FBN1: variants seen among roughly 807,000 people sequenced by gnomAD.
The protein encoded by FBN1 is fibrillin-1.
In FBN1, 29 loss-of-function variants were observed where a neutral mutation model predicts 365.1. That is an observed-to-expected ratio of 0.08 (90% confidence interval 0.06 to 0.11). The LOEUF (loss-of-function observed/expected upper bound fraction) is 0.11. Ranked by LOEUF, FBN1 falls within the 10% of genes least tolerant of loss-of-function variation. The pLI, the probability that FBN1 is intolerant of heterozygous loss-of-function variation, is 1.00. For missense variants in FBN1, 2,476 were observed against 3,703.2 expected, an observed-to-expected ratio of 0.67 and a Z score of 8.60; for synonymous variants, 1,210 against 1,270.5, an observed-to-expected ratio of 0.95 and a Z score of 1.01.
In FBN1 at chr15:48,408,550, G is replaced by A. The variant is rs1388682938; in HGVS notation, c.*2440C>T. 1.3e-5 allele frequency: 2 copies of A among 152,558 alleles called. No homozygotes were observed. Among genetic ancestry groups the A allele is most frequent in the African/African-American group, 2.4e-5 (1 of 41,442 alleles). The allele number at this position is 152,558 out of a possible 1,614,324, so 9.5% of individuals were successfully genotyped here. ...AAATGGGCTGAGGGGGTAGAGACAA[G>A]ATATTTTCAAGCTTCTGAGAGATTT... On this transcript the variant is annotated 3_prime_UTR_variant, in exon 66 of 66. Coordinates refer to ENST00000316623, the MANE Select transcript of FBN1 (RefSeq NM_000138.5).
Position 48,421,968 on chromosome 15 carries a change from G to A in FBN1, c.7554C>T (p.His2518=). Residue 2518 remains histidine, a synonymous_variant, in exon 61 of 66, where the codon CAC becomes CAT. Coordinates refer to ENST00000316623, the MANE Select transcript of FBN1 (RefSeq NM_000138.5). ...CCTACTCACCAATGCAGGACGTATG[G>A]TGTTGGGTAAATCCGGGAGGACATT... ...TCKCPPGFTQ[H]HTSCIDNNEC... 1 of 1,613,030 alleles carries A rather than the reference G, an allele frequency of 6.2e-7. No individual in the cohort carries two copies. Among genetic ancestry groups the A allele is most frequent in the Non-Finnish European group, 8.5e-7 (1 of 1,179,014 alleles).
chr15:48,595,446 G>GA (rs376641265), intron 6 of FBN1, among the ~76,000 whole-genome samples: 4 of 152,062 alleles, frequency 2.6e-5, no homozygotes, highest in African/African-American at 4.8e-5. Context: ...GGGATGATGA[G>GA]AAAAAAATCT....
At chr15:48,481,875 A>C in intron 31 of FBN1, 95 bp from the exon 32 acceptor site, 2 of 1,263,462 alleles carry the variant, frequency 1.6e-6, no homozygotes, top group Non-Finnish European at 2.3e-6. Context: ...TACATTAGAA[A>C]AGGTAAAATG....
Position 48,524,235 on chromosome 15 carries a change from G to C in FBN1, c.988+1895C>G, listed in dbSNP as rs538996749. Reference sequence around the variant, plus strand: ...ATACTAAAAGAGCTTAGAACACAAAGGGAGCTCGGGGCTGGGAGGTCTGAG... The same window carrying C: ...ATACTAAAAGAGCTTAGAACACAAACGGAGCTCGGGGCTGGGAGGTCTGAG... On this transcript the variant is annotated intron_variant, in intron 9 of 65. Transcript: ENST00000316623. 3.9e-5 allele frequency among the ~76,000 whole-genome samples: 6 copies of C among 152,302 alleles called. No homozygotes were observed. The East Asian group carries it at 1.2e-3, about 29-fold the overall frequency.
At position 48,644,742 on chromosome 15, in the gene FBN1, C is replaced by T; in HGVS notation, c.28G>A (p.Ala10Thr). The T allele has an allele frequency of 6.2e-7, 1 of 1,613,272 alleles. No homozygotes were observed. Among genetic ancestry groups the T allele is most frequent in the Non-Finnish European group, 8.5e-7 (1 of 1,179,998 alleles). ...GCTAAAAGCACGGTAAATCCCAGGG[C>T]GATCTCCAGCAGACGCCCTCGACGC... Reference protein sequence around the residue: MRRGRLLEIALGFTVLLASY... With the variant: MRRGRLLEITLGFTVLLASY... The change falls in exon 2 of 66, where the codon GCC (alanine) becomes ACC (threonine). Residue 10 changes from alanine (A) to threonine (T), a missense_variant. This residue lies in a region of FBN1 where 76 missense variants were observed against 85.4 expected (regional missense o/e 0.89). Transcript: ENST00000316623.
chr15:48,605,061 G>A (rs1256552885), intron 4 of FBN1, among the ~76,000 whole-genome samples: 1 of 152,160 alleles, frequency 6.6e-6, no homozygotes, highest in African/African-American at 2.4e-5. Context: ...CAAACTATAA[G>A]GGGTTTGAAA....
intron 2 of FBN1, among the ~76,000 whole-genome samples, chr15:48,619,958 A>G (rs1314986734): frequency 6.6e-6 from 1 of 152,148 alleles, no homozygotes; most frequent in Non-Finnish European, 1.5e-5. Flanking sequence ...ATGCCAAATC[A>G]ACATGTTTTA....
At chr15:48,508,850 T>A (rs1023190793) in intron 14 of FBN1, 146 bp from the exon 15 acceptor site, 1 of 982,652 alleles carries the variant, frequency 1.0e-6, no homozygotes, top group Admixed American at 2.4e-5. Context: ...AATAAGATCA[T>A]CTAAGGAAGG....
intron 6 of FBN1, among the ~76,000 whole-genome samples, chr15:48,594,798 C>A (rs2044504544): frequency 2.0e-5 from 3 of 152,120 alleles, no homozygotes; most frequent in African/African-American, 7.2e-5. Context: ...TTTTCTAAAA[C>A]AAATTATGCC....
At chr15:48,510,666 C>T (rs567044850) in intron 13 of FBN1, among the ~76,000 whole-genome samples, 23 of 152,290 alleles carry the variant, frequency 1.5e-4, no homozygotes, top group Admixed American at 3.3e-4. Context: ...TTCTGGTTTA[C>T]GTGCAGGGTT....
chr15:48,567,483 T>G lies in FBN1; in HGVS notation c.538+28800A>C, dbSNP rs1389593195. 3.3e-5 allele frequency among the ~76,000 whole-genome samples: 5 copies of G among 152,096 alleles called. No individual in the cohort carries two copies. In the East Asian group the frequency reaches 9.6e-4, roughly 29 times the overall value. On this transcript the variant is annotated intron_variant, in intron 6 of 65. Transcript: ENST00000316623. ...ACTTTTCTGTGAGCCAGGATTACCC[T>G]GATACCAAAGCCAGACGAAGACATG...
intron 10 of FBN1, among the ~76,000 whole-genome samples, chr15:48,519,399 A>C (rs554254883): frequency 1.1e-4 from 17 of 152,358 alleles, no homozygotes; most frequent in Non-Finnish European, 2.2e-4. Flanking sequence ...ATACTATGGA[A>C]GTGTAAAAAG....
At chr15:48,604,528 T>A (rs1035719515) in intron 4 of FBN1, among the ~76,000 whole-genome samples, 1 of 152,064 alleles carries the variant, frequency 6.6e-6, no homozygotes, top group African/African-American at 2.4e-5. Flanking sequence ...AAGAGAAACT[T>A]CACTAAAATT....
At chr15:48,458,741 A>G (rs1566902165) in intron 43 of FBN1, among the ~76,000 whole-genome samples, 3 of 152,232 alleles carry the variant, frequency 2.0e-5, no homozygotes, top group Non-Finnish European at 4.4e-5. Flanking sequence ...AGTGAAGTTT[A>G]TATTTTAAGA....
chr15:48,601,067 T>G (rs1241606085), intron 4 of FBN1, among the ~76,000 whole-genome samples: 1 of 152,242 alleles, frequency 6.6e-6, no homozygotes, highest in African/African-American at 2.4e-5. Flanking sequence ...GAGAAAGAGC[T>G]GCTTGTTTAA....
At chr15:48,432,781 TCTC>T (rs1455078290) in intron 55 of FBN1, 82 bp downstream of exon 55, 2 of 1,538,182 alleles carry the variant, frequency 1.3e-6, no homozygotes, top group Admixed American at 1.7e-5. Context: ...TTCCCAGCCT[TCTC>T]CTACTAAGGG....
At chr15:48,444,514 A>C in intron 49 of FBN1, 27 bp downstream of exon 49, 1 of 1,612,660 alleles carries the variant, frequency 6.2e-7, no homozygotes, top group Non-Finnish European at 8.5e-7. Context: ...GACACTCCTC[A>C]TTTGCTACAA....
At chr15:48,596,199 C>G in intron 6 of FBN1, 84 bp downstream of exon 6, 1 of 1,181,272 alleles carries the variant, frequency 8.5e-7, no homozygotes. Context: ...CAGGAAGTAG[C>G]CATGCAGACC....
intron 6 of FBN1, among the ~76,000 whole-genome samples, chr15:48,562,701 G>A (rs550881199): frequency 2.6e-5 from 4 of 152,276 alleles, no homozygotes; most frequent in Admixed American, 6.5e-5. Flanking sequence ...CAACTTGCTC[G>A]CTGGCAGGAA....
Sources: gnomAD v4.1 joint callset for allele counts (sites outside exome capture counted in the v4.1 genomes callset) on GRCh38, gnomAD v4.1.1 for gene constraint, gnomAD v4.1.1 regional missense constraint, MANE v1.5 for transcripts, NCBI Gene and HGNC (gene_info 2026-07-23, HGNC 2026-07-21) for gene names.